ACAD10: variants seen among roughly 807,000 people sequenced by gnomAD.
ACAD10 encodes ACAD-10.
A neutral mutation model predicts 116.8 loss-of-function variants in ACAD10; 112 were observed. The observed-to-expected ratio is 0.96, with a 90% CI of 0.82 to 1.12. The LOEUF is 1.12. ACAD10 is among the 50% of genes most tolerant of loss of function. The probability of loss-of-function intolerance (pLI) is 0.00; values close to 1 mark genes in which losing one functional copy is unlikely to be tolerated. For synonymous variants in ACAD10, 486 were observed against 510.6 expected, an observed-to-expected ratio of 0.95 and a Z score of 0.65; for missense variants, 1,259 against 1,350.2, an observed-to-expected ratio of 0.93 and a Z score of 1.06.
intron 2 of ACAD10, among the ~76,000 whole-genome samples, chr12:111,696,602 A>G (rs1187702000): frequency 6.6e-6 from 1 of 152,208 alleles, no homozygotes; most frequent in Non-Finnish European, 1.5e-5. Flanking sequence ...TAATGCTTTC[A>G]AAGCCTAAAA....
intron 3 of ACAD10, among the ~76,000 whole-genome samples, chr12:111,704,609 A>G (rs1199511231): frequency 6.6e-6 from 1 of 152,096 alleles, no homozygotes; most frequent in Non-Finnish European, 1.5e-5. Context: ...GTGTATATGT[A>G]TATATAAAAC....
chr12:111,698,696 C>T (rs762491552), intron 2 of ACAD10, among the ~76,000 whole-genome samples: 4 of 151,722 alleles, frequency 2.6e-5, no homozygotes, highest in Admixed American at 6.6e-5. Context: ...AGGCTGCTCT[C>T]GAACTCCCTA....
At chr12:111,712,373 AC>A in intron 5 of ACAD10, 124 bp from the exon 6 acceptor site, 1 of 866,524 alleles carries the variant, frequency 1.2e-6, no homozygotes, top group Non-Finnish European at 1.7e-6. Context: ...TATTCTCTGC[AC>A]CTGTACTACC....
intron 10 of ACAD10, among the ~76,000 whole-genome samples, chr12:111,732,509 T>C (rs1889418147): frequency 6.6e-6 from 1 of 152,168 alleles, no homozygotes; most frequent in Non-Finnish European, 1.5e-5. Flanking sequence ...TTTTAAAAAA[T>C]CTGAAGCAAA....
chr12:111,728,917 T>G (rs1382928726), intron 9 of ACAD10, among the ~76,000 whole-genome samples: 1 of 152,192 alleles, frequency 6.6e-6, no homozygotes, highest in Non-Finnish European at 1.5e-5. Context: ...CCCAAACTCC[T>G]GCGCTCAAGT....
rs547729454 is a variant in ACAD10, at chr12:111,718,130, A to G, written c.992+2168A>G. On this transcript the variant is annotated intron_variant, in intron 7 of 20. Coordinates refer to ENST00000313698, the MANE Select transcript of ACAD10 (RefSeq NM_025247.6). ...AGTGGCATGATCTTGGCTTATTGCC[A>G]CCTCCATCTCCCAGGTCCAAGTGAT... Among the ~76,000 whole-genome samples the G allele has an allele frequency of 1.9e-4, 23 of 122,892 alleles. No individual in the cohort carries two copies. In the South Asian group the frequency reaches 2.2e-3, roughly 12 times the overall value. 80.6% of individuals were successfully genotyped at this position (122,892 alleles called of 152,430 possible).
chr12:111,747,190 C>A lies in ACAD10; in HGVS notation c.2394+4C>A. ...TTTTGCTATGACCGAGCCCCAGGTA[C>A]GTCGCCTGGGCTGCCACCCACTTGC... is the stretch of plus-strand genomic sequence containing the variant. On this transcript the variant is annotated splice_donor_region_variant and intron_variant, in intron 15 of 20. Coordinates refer to ENST00000313698, the MANE Select transcript of ACAD10 (RefSeq NM_025247.6). 1 of 1,608,400 alleles carries A rather than the reference C, an allele frequency of 6.2e-7. No homozygotes were observed. The highest frequency in any genetic ancestry group is 8.5e-7 in the Non-Finnish European group (1 of 1,175,680).
chr12:111,729,791 T>C lies in ACAD10; in HGVS notation c.1244-15T>C, dbSNP rs756843596. On this transcript the variant is annotated splice_polypyrimidine_tract_variant and intron_variant, in intron 9 of 20. Transcript: ENST00000313698. Reference sequence around the variant, plus strand: ...GCTGAAATTGCACACCAAGTTCTAATCCTATTTCCCGCAGGGGACTATATT... The same window carrying C: ...GCTGAAATTGCACACCAAGTTCTAACCCTATTTCCCGCAGGGGACTATATT... 6 of 1,609,166 alleles carry C rather than the reference T, an allele frequency of 3.7e-6. No individual in the cohort carries two copies. Among genetic ancestry groups the C allele is most frequent in the Admixed American group, 1.7e-5 (1 of 59,204 alleles).
intron 5 of ACAD10, among the ~76,000 whole-genome samples, chr12:111,710,517 CAG>C (rs922759032): frequency 6.1e-5 from 9 of 147,212 alleles, no homozygotes; most frequent in Non-Finnish European, 1.3e-4. Context: ...TTTTTTGAAA[CAG>C]AGTTTCACTT....
chr12:111,749,241 C>T lies in ACAD10; in HGVS notation c.2713C>T (p.Arg905Ter), dbSNP rs765418830. ...PKENMVLGPG[R>*]GFEIAQGRLG... ...AGAGAACATGGTCCTGGGCCCTGGC[C>T]GAGGCTTTGAGATCGCCCAGGGCAG... Residue 905 changes from arginine to a stop codon, truncating the protein, a stop_gained, in exon 18 of 21, where the codon CGA becomes TGA. Coordinates refer to ENST00000313698, the MANE Select transcript of ACAD10 (RefSeq NM_025247.6). LOFTEE classifies it high-confidence loss of function. 8.7e-6 allele frequency: 14 copies of T among 1,613,958 alleles called. No homozygotes were observed. The highest frequency in any genetic ancestry group is 4.5e-5 in the East Asian group (2 of 44,886).
chr12:111,734,941 C>T lies in ACAD10; in HGVS notation c.1540+873C>T, dbSNP rs11611548. Among the ~76,000 whole-genome samples, 1,425 of 152,060 alleles carry T rather than the reference C, an allele frequency of 9.4e-3. 5 individuals carry two copies. Among genetic ancestry groups the T allele is most frequent in the Non-Finnish European group, 0.015 (1,007 of 67,990 alleles). ...TTTATTGTATAGAATTAAGGGAAGA[C>T]GGCCGGGCGCGGTGGCCCACGCCTG... On this transcript the variant is annotated intron_variant, in intron 11 of 20. Coordinates refer to ENST00000313698, the MANE Select transcript of ACAD10 (RefSeq NM_025247.6).
At chr12:111,703,083 C>CA (rs1205550152) in intron 3 of ACAD10, among the ~76,000 whole-genome samples, 3,382 of 78,090 alleles carry the variant, frequency 0.043, 141 homozygotes, top group African/African-American at 0.12. Flanking sequence ...GACTCTGTCT[C>CA]AAAAAAAAAA....
At position 111,723,109 on chromosome 12, in the gene ACAD10, C is replaced by T. The variant is rs1644561345; in HGVS notation, c.1061+1370C>T. ...GGGGCGGCCGGGCAGAGGCGCCCCT[C>T]ACCTCCCAGACGGGGCGGCTAGCCG... On this transcript the variant is annotated intron_variant, in intron 8 of 20. Transcript: ENST00000313698. Among the ~76,000 whole-genome samples, 5 of 145,760 alleles carry T rather than the reference C, an allele frequency of 3.4e-5. 1 individual carries two copies. In the South Asian group the frequency reaches 1.1e-3, roughly 32 times the overall value.
intron 7 of ACAD10, among the ~76,000 whole-genome samples, chr12:111,718,899 G>A (rs1311352952): frequency 6.6e-6 from 1 of 150,974 alleles, no homozygotes; most frequent in African/African-American, 2.4e-5. Context: ...GAGGTCAGGA[G>A]TTCAAGACCA....
chr12:111,742,318 A>G (rs894433229), intron 12 of ACAD10, among the ~76,000 whole-genome samples: 9 of 152,176 alleles, frequency 5.9e-5, no homozygotes, highest in African/African-American at 2.2e-4. Context: ...CTTTCCCTTC[A>G]ATGTGCTGTG....
intron 8 of ACAD10, 150 bp downstream of exon 8, chr12:111,721,889 A>G: frequency 2.0e-6 from 1 of 506,964 alleles, no homozygotes; most frequent in Non-Finnish European, 3.4e-6. Context: ...AAGTTCTCAG[A>G]TATTTAAGTT....
intron 11 of ACAD10, among the ~76,000 whole-genome samples, chr12:111,735,553 TCA>T (rs1889524670): frequency 6.6e-6 from 1 of 151,802 alleles, no homozygotes; most frequent in Non-Finnish European, 1.5e-5. Context: ...CCTCCCAGGT[TCA>T]CACCATTCTC....
chr12:111,753,837 G>A lies in ACAD10; in HGVS notation c.2883G>A (p.Ala961=), dbSNP rs2074055. 64,003 of 1,613,914 alleles carry A rather than the reference G, an allele frequency of 0.04. 11,746 individuals are homozygous for A. The East Asian group carries it at 0.64, about 16-fold the overall frequency. Residue 961 remains alanine (A), a synonymous_variant, in exon 19 of 21, where the codon GCG becomes GCA. Transcript: ENST00000313698. Reference sequence around the variant, plus strand: ...AGGGCACAGTGCTGGCGGACATCGCGCAGTCGCGCGTGGAGATTGAGCAGG... The same window carrying A: ...AGGGCACAGTGCTGGCGGACATCGCACAGTCGCGCGTGGAGATTGAGCAGG... ...VEQGTVLADI[A]QSRVEIEQAR... is the part of the protein sequence containing the mutation.
chr12:111,747,582 T>C, intron 16 of ACAD10, 197 bp downstream of exon 16: 1 of 1,411,592 alleles, frequency 7.1e-7, no homozygotes. Context: ...AGGTGGCACT[T>C]CACAGGGCAG....
Sources: allele counts gnomAD v4.1 joint callset (sites outside exome capture counted in the v4.1 genomes callset), GRCh38; gene constraint gnomAD v4.1.1; transcripts MANE v1.5; gene names NCBI Gene and HGNC (gene_info 2026-07-23, HGNC 2026-07-21).